Variants in POLR3G observed in about 807,000 individuals in gnomAD.
POLR3G encodes DNA-directed RNA polymerase III subunit RPC7.
In POLR3G, 28 loss-of-function variants were observed where a neutral mutation model predicts 30.1. The ratio of observed to expected loss-of-function variants is 0.93; its 90% confidence interval spans 0.69 to 1.27. The LOEUF is 1.27. Among genes scored for constraint, POLR3G ranks in the 50% most tolerant of loss-of-function variants. POLR3G has a pLI of 0.00. For missense variants in POLR3G, 254 were observed against 264.6 expected (o/e 0.96, Z 0.28); for synonymous variants, 79 against 82.5 (o/e 0.96, Z 0.23).
chr5:90,497,432 A>G (rs1752045915), intron 4 of POLR3G, among the ~76,000 whole-genome samples: 1 of 152,176 alleles, frequency 6.6e-6, no homozygotes, highest in Non-Finnish European at 1.5e-5. Flanking sequence ...TTATAGCACT[A>G]TTTCAGAGCT....
chr5:90,504,434 C>A (rs1482908304), intron 6 of POLR3G, among the ~76,000 whole-genome samples: 3 of 151,798 alleles, frequency 2.0e-5, no homozygotes, highest in Non-Finnish European at 4.4e-5. Context: ...TGGTAGCAGG[C>A]GCCTGTAGTC....
chr5:90,474,460 G>T, upstream of POLR3G: 4 of 641,678 alleles, frequency 6.2e-6, no homozygotes. Flanking sequence ...GGAGGAGGAA[G>T]GACGCAGACC....
At chr5:90,504,395 C>T (rs1752391621) in intron 6 of POLR3G, among the ~76,000 whole-genome samples, 1 of 151,822 alleles carries the variant, frequency 6.6e-6, no homozygotes, top group Non-Finnish European at 1.5e-5. Flanking sequence ...CCCATCTCTA[C>T]TAAAAATTCA....
intron 3 of POLR3G, among the ~76,000 whole-genome samples, chr5:90,489,221 T>C (rs1459088690): frequency 6.6e-6 from 1 of 152,040 alleles, no homozygotes; most frequent in African/African-American, 2.4e-5. Flanking sequence ...AGTTATATAA[T>C]GGTTTGATAA....
chr5:90,507,733 A>C (rs554253573), intron 7 of POLR3G, among the ~76,000 whole-genome samples: 2 of 152,146 alleles, frequency 1.3e-5, no homozygotes, highest in Non-Finnish European at 2.9e-5. Context: ...ATTCTTTCAG[A>C]TACATTTTAA....
At chr5:90,481,328 G>GA (rs1554038297) in intron 1 of POLR3G, among the ~76,000 whole-genome samples, 5,472 of 137,936 alleles carry the variant, frequency 0.04, 317 homozygotes, top group African/African-American at 0.14. Flanking sequence ...CAGTATTCTT[G>GA]AAAAAAAAAA....
In POLR3G at chr5:90,475,647, C is replaced by G. The variant is rs566774341; in HGVS notation, c.-44+627C>G. Among the ~76,000 whole-genome samples the G allele has an allele frequency of 3.9e-5, 6 of 152,232 alleles. No homozygotes were observed. In the East Asian group the frequency reaches 9.6e-4, roughly 24 times the overall value. On this transcript the variant is annotated intron_variant, in intron 1 of 7. Coordinates refer to ENST00000651687, the MANE Select transcript of POLR3G (RefSeq NM_006467.3). Reference sequence around the variant, plus strand: ...CCGCCAGCCACATAAATCATCCGCTCTGTTAACATCAGGTCACTGTCTCCA... The same window carrying G: ...CCGCCAGCCACATAAATCATCCGCTGTGTTAACATCAGGTCACTGTCTCCA...
At chr5:90,502,272 G>T (rs1752282410) in intron 6 of POLR3G, 1 of 980,880 alleles carries the variant, frequency 1.0e-6, no homozygotes, top group South Asian at 4.7e-5. Context: ...TTTGAATCAT[G>T]CAGGCAGAGA....
upstream of POLR3G, chr5:90,474,439 G>GGGTC (rs1750667992): frequency 1.1e-5 from 8 of 720,310 alleles, no homozygotes; most frequent in Non-Finnish European, 1.9e-5. Context: ...TGGGATGCGG[G>GGGTC]GGTCGGAATA....
chr5:90,509,349 C>T (rs78911010), intron 7 of POLR3G, among the ~76,000 whole-genome samples: 280 of 152,252 alleles, frequency 1.8e-3, no homozygotes, highest in African/African-American at 6.5e-3. Flanking sequence ...TGTAACTCCT[C>T]AGTTCTTTTT....
chr5:90,490,667 C>A, intron 3 of POLR3G: 1 of 388,870 alleles, frequency 2.6e-6, no homozygotes, highest in Non-Finnish European at 5.1e-6. Flanking sequence ...TCTCGGCCTT[C>A]CAAAGTGCTG....
chr5:90,487,590 A>T (rs879630117), intron 2 of POLR3G, among the ~76,000 whole-genome samples: 2 of 151,566 alleles, frequency 1.3e-5, no homozygotes, highest in Admixed American at 6.6e-5. Context: ...ACAGGGTTTC[A>T]CCATGTTACC....
intron 6 of POLR3G, among the ~76,000 whole-genome samples, chr5:90,506,179 A>T (rs142520736): frequency 0.012 from 1,866 of 152,248 alleles, 47 homozygotes; most frequent in African/African-American, 0.042. Context: ...CTGTGAGCCG[A>T]GATCGTGGCA....
chr5:90,497,838 T>A, intron 5 of POLR3G, 132 bp downstream of exon 5: 1 of 1,112,960 alleles, frequency 9.0e-7, no homozygotes, highest in Non-Finnish European at 1.2e-6. Context: ...AGACAAGGGA[T>A]CTCATGCCTG....
rs1262745025 is a variant in POLR3G at position 90,507,005 on chromosome 5, G to T, written c.585+331G>T. Among the ~76,000 whole-genome samples, 4 of 152,180 alleles carry T rather than the reference G, an allele frequency of 2.6e-5. No homozygotes were observed. The East Asian group carries it at 7.7e-4, about 29-fold the overall frequency. ...ATAAAAATTTAAGTCAGCAATTCAG[G>T]TAACGGAGGGCTTAACCACCTAGGT... On this transcript the variant is annotated intron_variant, in intron 7 of 7. Transcript: ENST00000651687.
chr5:90,495,505 A>G (rs1561253825), intron 3 of POLR3G, among the ~76,000 whole-genome samples, 172 bp from the exon 4 acceptor site: 1 of 152,190 alleles, frequency 6.6e-6, no homozygotes, highest in African/African-American at 2.4e-5. Context: ...CACCAAGTCC[A>G]TCCTTGCCTA....
intron 1 of POLR3G, among the ~76,000 whole-genome samples, chr5:90,477,380 A>G (rs905581732): frequency 6.6e-6 from 1 of 152,162 alleles, no homozygotes; most frequent in Non-Finnish European, 1.5e-5. Flanking sequence ...GATACCCTAG[A>G]CTGCAGAGTG....
Position 90,512,889 on chromosome 5 carries a change from C to T in POLR3G, c.*750C>T, listed in dbSNP as rs1352597380. 6.6e-6 allele frequency: 1 copy of T among 152,052 alleles called. No homozygotes were observed. Among genetic ancestry groups the T allele is most frequent in the Non-Finnish European group, 1.5e-5 (1 of 67,954 alleles). The allele number at this position is 152,052 out of a possible 1,614,324, so 9.4% of individuals were successfully genotyped here. On this transcript the variant is annotated 3_prime_UTR_variant, in exon 8 of 8. Coordinates refer to ENST00000651687, the MANE Select transcript of POLR3G (RefSeq NM_006467.3). ...GGGCTTATGAAAAATTTGACTAAGA[C>T]ATTTTATTTTATACTTTATGTAAAT...
At chr5:90,500,903 C>T (rs1005801586) in intron 5 of POLR3G, among the ~76,000 whole-genome samples, 1 of 152,140 alleles carries the variant, frequency 6.6e-6, no homozygotes, top group Non-Finnish European at 1.5e-5. Flanking sequence ...TCTTTGACCA[C>T]AATGGGACAA....
Sources: allele counts gnomAD v4.1 joint callset (sites outside exome capture counted in the v4.1 genomes callset), GRCh38; gene constraint gnomAD v4.1.1; transcripts MANE v1.5; gene names NCBI Gene and HGNC (gene_info 2026-07-23, HGNC 2026-07-21).